The following MYO16 variants were observed in gnomAD, a reference collection of about 807,000 sequenced individuals.
MYO16 encodes the protein unconventional myosin-XVI.
Under a neutral mutation model 205.3 loss-of-function variants are expected in MYO16, and 94 were observed. The ratio of observed to expected loss-of-function variants is 0.46; its 90% CI spans 0.39 to 0.54. The LOEUF (loss-of-function observed/expected upper bound fraction) is 0.54. MYO16 is among the 20% of genes least tolerant of loss of function. The pLI is 0.00. For synonymous variants in MYO16, 988 were observed against 954.0 expected (o/e 1.04, Z -0.66); for missense variants, 2,315 against 2,387.5 (o/e 0.97, Z 0.63).
intron 4 of MYO16, among the ~76,000 whole-genome samples, chr13:108,773,587 A>G (rs1013190453): frequency 6.6e-6 from 1 of 152,072 alleles, no homozygotes. Flanking sequence ...TTACAAGGAT[A>G]CTAGTCAGAT....
chr13:108,703,254 C>T lies in MYO16; in HGVS notation c.293-9407C>T, dbSNP rs530710270. 8.6e-5 allele frequency among the ~76,000 whole-genome samples: 13 copies of T among 151,898 alleles called. No homozygotes were observed. In the South Asian group the frequency reaches 2.5e-3, roughly 29 times the overall value. ...ATCATATACCATTCAAAAAGTAACC[C>T]AAAAAGAGCTAGAATACATATGTAA... On this transcript the variant is annotated intron_variant, in intron 2 of 34. Coordinates refer to ENST00000457511, the MANE Select transcript of MYO16 (RefSeq NM_001198950.3).
At chr13:108,735,860 T>C (rs1335606373) in intron 4 of MYO16, among the ~76,000 whole-genome samples, 3 of 152,274 alleles carry the variant, frequency 2.0e-5, no homozygotes, top group South Asian at 2.1e-4. Context: ...TGGTATCTCA[T>C]TGTGGTTTTG....
At chr13:108,560,385 A>G in the MYO16 span, among the ~76,000 whole-genome samples, 1 of 152,242 alleles carries the variant, frequency 6.6e-6, no homozygotes, top group Admixed American at 6.5e-5. Flanking sequence ...ACACAGGGAT[A>G]CGCTCAAGCC....
intron 2 of MYO16, 64 bp from the exon 3 acceptor site, chr13:108,712,597 C>A: frequency 7.2e-7 from 1 of 1,392,008 alleles, no homozygotes; most frequent in Non-Finnish European, 1.0e-6. Flanking sequence ...AAAGCCTACA[C>A]ATTTGGTTCC....
chr13:108,594,368 G>C (rs1011593213), upstream of MYO16, among the ~76,000 whole-genome samples: 1 of 152,074 alleles, frequency 6.6e-6, no homozygotes, highest in Non-Finnish European at 1.5e-5. Flanking sequence ...ACCCTAATTG[G>C]TTTAGCCTCA....
intron 28 of MYO16, among the ~76,000 whole-genome samples, chr13:109,109,130 G>C (rs1889207604): frequency 6.6e-6 from 1 of 152,110 alleles, no homozygotes; most frequent in Admixed American, 6.5e-5. Context: ...ACTGAAAGAG[G>C]GGTGTTTGTG....
At chr13:109,052,498 T>C (rs1304306327) in intron 25 of MYO16, 23 bp downstream of exon 25, 8 of 1,518,422 alleles carry the variant, frequency 5.3e-6, no homozygotes, top group Admixed American at 4.1e-5. Context: ...ATGATTATTG[T>C]TGGATTATTT....
chr13:108,924,517 T>A (rs1347208746), intron 16 of MYO16, among the ~76,000 whole-genome samples: 1 of 152,206 alleles, frequency 6.6e-6, no homozygotes, highest in Non-Finnish European at 1.5e-5. Context: ...AAATGATCAT[T>A]ATTCAAGTCA....
At position 108,645,575 on chromosome 13, in the gene MYO16, C is replaced by T. The variant is rs929435737; in HGVS notation, c.28+15703C>T. ...TCCCACAAAATAAGGAGTATGGTCT[C>T]GTTCATCTACAAGGATTCTGGGGAA... On this transcript the variant is annotated intron_variant, in intron 1 of 34. Coordinates refer to ENST00000457511, the MANE Select transcript of MYO16 (RefSeq NM_001198950.3). Among the ~76,000 whole-genome samples, 6 of 152,170 alleles carry T rather than the reference C, an allele frequency of 3.9e-5. No homozygotes were observed. In the South Asian group the frequency reaches 6.2e-4, roughly 16 times the overall value.
At chr13:108,807,142 G>A (rs1278163039) in intron 7 of MYO16, among the ~76,000 whole-genome samples, 2 of 151,880 alleles carry the variant, frequency 1.3e-5, no homozygotes, top group Non-Finnish European at 1.5e-5. Flanking sequence ...TGTTTTCTAC[G>A]GCAAATATTT....
chr13:108,997,919 A>G (rs1885088578), intron 21 of MYO16, among the ~76,000 whole-genome samples: 1 of 152,244 alleles, frequency 6.6e-6, no homozygotes, highest in African/African-American at 2.4e-5. Flanking sequence ...CAGACTTGTC[A>G]AGAATTCAAA....
intron 16 of MYO16, among the ~76,000 whole-genome samples, chr13:108,935,715 A>AT (rs1356984286): frequency 2.6e-5 from 4 of 152,082 alleles, no homozygotes; most frequent in African/African-American, 9.7e-5. Flanking sequence ...CTCAACAGGA[A>AT]TGCTTCCAAC....
intron 32 of MYO16, among the ~76,000 whole-genome samples, chr13:109,154,385 T>C (rs1183217817): frequency 6.6e-6 from 1 of 152,176 alleles, no homozygotes; most frequent in Non-Finnish European, 1.5e-5. Context: ...ATGCTCAAGG[T>C]CGATGACTCA....
chr13:108,671,182 T>G (rs1881973123), intron 2 of MYO16, among the ~76,000 whole-genome samples: 1 of 152,194 alleles, frequency 6.6e-6, no homozygotes, highest in Non-Finnish European at 1.5e-5. Context: ...AAGGACTGGA[T>G]AGAAAAGTCT....
chr13:108,702,790 A>G (rs1263384506), intron 2 of MYO16, among the ~76,000 whole-genome samples: 1 of 152,172 alleles, frequency 6.6e-6, no homozygotes, highest in Non-Finnish European at 1.5e-5. Flanking sequence ...TTAGAAGGGT[A>G]GTAGTGGTAG....
At chr13:108,820,084 C>A (rs1476971867) in intron 7 of MYO16, among the ~76,000 whole-genome samples, 1 of 152,146 alleles carries the variant, frequency 6.6e-6, no homozygotes, top group Non-Finnish European at 1.5e-5. Flanking sequence ...ATAAAGTGTC[C>A]TTTTCAAATC....
chr13:108,593,542 G>C (rs1157574952), upstream of MYO16, among the ~76,000 whole-genome samples: 1 of 152,146 alleles, frequency 6.6e-6, no homozygotes, highest in Non-Finnish European at 1.5e-5. Context: ...GTTTTCCTGT[G>C]AATTTTGAAA....
the MYO16 span, among the ~76,000 whole-genome samples, chr13:108,573,006 G>A: frequency 2.6e-5 from 4 of 152,124 alleles, no homozygotes; most frequent in African/African-American, 7.2e-5. Flanking sequence ...GTAATATCTG[G>A]AGCCACTCTT....
intron 28 of MYO16, among the ~76,000 whole-genome samples, chr13:109,108,729 A>G (rs577108629): frequency 6.5e-4 from 99 of 152,284 alleles, no homozygotes; most frequent in Non-Finnish European, 9.6e-4. Flanking sequence ...CCTGACCTAG[A>G]CAGGGCAGTT....
Sources: allele counts gnomAD v4.1 joint callset (sites outside exome capture counted in the v4.1 genomes callset), GRCh38; gene constraint gnomAD v4.1.1; transcripts MANE v1.5; gene names NCBI Gene and HGNC (gene_info 2026-07-23, HGNC 2026-07-21).